The following SCUBE1 variants were observed in gnomAD, a reference collection of about 807,000 sequenced individuals.
SCUBE1 encodes the protein signal peptide, CUB domain and EGF like domain containing 1, also known as signal peptide, CUB and EGF-like domain-containing protein 1.
A neutral mutation model predicts 124.4 loss-of-function variants in SCUBE1; 59 were observed. That is an observed-to-expected ratio of 0.47 (90% CI 0.38 to 0.59). SCUBE1 has a LOEUF of 0.59. SCUBE1 is among the 20% of genes least tolerant of loss of function. SCUBE1 has a pLI of 0.00. For missense variants in SCUBE1, 1,150 were observed against 1,371.2 expected, an observed-to-expected ratio of 0.84 and a Z score of 2.55; for synonymous variants, 545 against 550.9, an observed-to-expected ratio of 0.99 and a Z score of 0.15.
In SCUBE1 at chr22:43,203,972, C is replaced by T; in HGVS notation, c.*25G>A. The T allele has an allele frequency of 6.2e-7, 1 of 1,613,288 alleles. No individual in the cohort carries two copies. Among genetic ancestry groups the T allele is most frequent in the South Asian group, 1.1e-5 (1 of 91,044 alleles). ...GTGCACCCTCCGCGGACCAGGCCAC[C>T]CCCAGGCAGGGCCGCTCCCCCCGGT... On this transcript the variant is annotated 3_prime_UTR_variant, in exon 22 of 22. Coordinates refer to ENST00000360835, the MANE Select transcript of SCUBE1 (RefSeq NM_173050.5).
intron 6 of SCUBE1, among the ~76,000 whole-genome samples, chr22:43,244,001 G>A (rs1271722720): frequency 6.6e-6 from 1 of 152,188 alleles, no homozygotes; most frequent in African/African-American, 2.4e-5. Flanking sequence ...TCACAGGCGG[G>A]TCAATTTCAC....
intron 4 of SCUBE1, among the ~76,000 whole-genome samples, chr22:43,269,404 T>G (rs984333129): frequency 1.4e-4 from 21 of 152,172 alleles, no homozygotes; most frequent in African/African-American, 4.6e-4. Flanking sequence ...CACGGATGCA[T>G]CTCAAGCAGG....
intron 15 of SCUBE1, among the ~76,000 whole-genome samples, chr22:43,217,510 C>T (rs748121979): frequency 4.5e-4 from 69 of 152,200 alleles, no homozygotes; most frequent in South Asian, 8.3e-4. Flanking sequence ...GTCCTTGCTC[C>T]GCCCCCGCTA....
At chr22:43,291,370 T>C (rs937335025) in intron 3 of SCUBE1, among the ~76,000 whole-genome samples, 190 bp from the exon 4 acceptor site, 2 of 152,184 alleles carry the variant, frequency 1.3e-5, no homozygotes, top group African/African-American at 4.8e-5. Flanking sequence ...TGCACCATGG[T>C]GGCACTCTAC....
intron 7 of SCUBE1, chr22:43,238,397 C>A: frequency 2.6e-6 from 1 of 384,842 alleles, no homozygotes; most frequent in Non-Finnish European, 4.7e-6. Flanking sequence ...CCAGATGGCC[C>A]AACACCAGAC....
At chr22:43,292,816 G>A (rs1925416487) in intron 3 of SCUBE1, among the ~76,000 whole-genome samples, 2 of 152,204 alleles carry the variant, frequency 1.3e-5, no homozygotes, top group Non-Finnish European at 2.9e-5. Context: ...CGACAGCGAG[G>A]CCATTATTCT....
intron 14 of SCUBE1, among the ~76,000 whole-genome samples, chr22:43,219,613 A>C (rs563112902): frequency 3.6e-4 from 55 of 151,912 alleles, no homozygotes; most frequent in Non-Finnish European, 7.9e-4. Context: ...AGCTGGGATT[A>C]CAGGTGCCTG....
At chr22:43,290,182 G>A (rs1418041652) in intron 4 of SCUBE1, among the ~76,000 whole-genome samples, 3 of 152,116 alleles carry the variant, frequency 2.0e-5, no homozygotes, top group Non-Finnish European at 4.4e-5. Flanking sequence ...ATGTGCCTCC[G>A]CAAAAGCTGT....
At chr22:43,230,397 G>A (rs1922503712) in intron 8 of SCUBE1, among the ~76,000 whole-genome samples, 1 of 151,334 alleles carries the variant, frequency 6.6e-6, no homozygotes, top group African/African-American at 2.4e-5. Context: ...GACCTGTGGA[G>A]CCCAGAGCCC....
chr22:43,294,287 T>C (rs937405933), intron 3 of SCUBE1, among the ~76,000 whole-genome samples: 1 of 152,236 alleles, frequency 6.6e-6, no homozygotes, highest in Admixed American at 6.5e-5. Context: ...GGGAAGGGCC[T>C]GAGGCCCCAC....
In SCUBE1 at chr22:43,258,920, G is replaced by A. The variant is rs773869081; in HGVS notation, c.611-585C>T. On this transcript the variant is annotated intron_variant, in intron 5 of 21. Transcript: ENST00000360835. This position sits in a 1 kb window ranked among gnomAD's most constrained non-coding sequence, Gnocchi z 5.0. ...ATCCTCCGGGAGCTCGGCAATGTCC[G>A]AACAGACAGACTCATGCAAGTTAAT... Among the ~76,000 whole-genome samples, 9 of 152,276 alleles carry A rather than the reference G, an allele frequency of 5.9e-5. No individual in the cohort carries two copies. The highest frequency in any genetic ancestry group is 2.1e-4 in the South Asian group (1 of 4,822).
chr22:43,216,248 T>G (rs1012099728), intron 15 of SCUBE1, among the ~76,000 whole-genome samples: 2 of 148,442 alleles, frequency 1.3e-5, no homozygotes, highest in Middle Eastern at 3.2e-3. Context: ...GGTTTCACCA[T>G]GTTGGCCAGG....
At chr22:43,301,393 C>T (rs144984981) in intron 3 of SCUBE1, among the ~76,000 whole-genome samples, 100 of 152,288 alleles carry the variant, frequency 6.6e-4, no homozygotes, top group African/African-American at 2.1e-3. Flanking sequence ...CACGTCCCCC[C>T]GGGCTCCTCC....
intron 4 of SCUBE1, among the ~76,000 whole-genome samples, chr22:43,281,516 C>CAACCCTCCTGTCATCTCCCTCAGT (rs1924882380): frequency 1.2e-5 from 1 of 83,970 alleles, no homozygotes; most frequent in African/African-American, 5.8e-5. Context: ...TCCTCCTCAG[C>CAACCCTCCTGTCATCTCCCTCAGT]CACCCTCCTG....
At chr22:43,293,962 G>C (rs772461800) in intron 3 of SCUBE1, among the ~76,000 whole-genome samples, 1 of 152,250 alleles carries the variant, frequency 6.6e-6, no homozygotes, top group Admixed American at 6.5e-5. Context: ...GGCGGTTGAC[G>C]TAAGGCATCT....
chr22:43,240,557 AG>A (rs1922963315), intron 6 of SCUBE1, among the ~76,000 whole-genome samples: 1 of 152,228 alleles, frequency 6.6e-6, no homozygotes, highest in East Asian at 1.9e-4. Flanking sequence ...TGGGCAGGCC[AG>A]GGAATGAGTC....
chr22:43,298,621 CTCT>C (rs1444152427), intron 3 of SCUBE1, among the ~76,000 whole-genome samples: 1 of 152,214 alleles, frequency 6.6e-6, no homozygotes, highest in Non-Finnish European at 1.5e-5. Flanking sequence ...TGCTGTGCAT[CTCT>C]AGGGAAGGAC....
chr22:43,198,200 T>C lies in SCUBE1; in HGVS notation c.*5797A>G, dbSNP rs10154549. ...CCAGAGCCTGGCACCCAGTGGGCAC[T>C]GAGTGAGCGTCAGCTTCCCCACCTT... On this transcript the variant is annotated 3_prime_UTR_variant, in exon 22 of 22. Transcript: ENST00000360835. The C allele has an allele frequency of 5.0e-4, 138 of 276,332 alleles. No homozygotes were observed. Among genetic ancestry groups the C allele is most frequent in the African/African-American group, 2.9e-3 (130 of 44,950 alleles). 17.1% of individuals were successfully genotyped at this position (276,332 alleles called of 1,614,324 possible).
intron 13 of SCUBE1, among the ~76,000 whole-genome samples, chr22:43,220,801 G>A (rs150755200): frequency 3.3e-5 from 5 of 152,326 alleles, no homozygotes; most frequent in African/African-American, 1.2e-4. Context: ...GCTGCTGCAG[G>A]TGGAGGCATC....
Sources: allele counts gnomAD v4.1 joint callset (sites outside exome capture counted in the v4.1 genomes callset), GRCh38; gene constraint gnomAD v4.1.1; non-coding constraint Gnocchi (gnomAD v3.1); transcripts MANE v1.5; gene names NCBI Gene and HGNC (gene_info 2026-07-23, HGNC 2026-07-21).